Variants in CCDC91 observed in about 807,000 individuals in gnomAD.
The protein encoded by CCDC91 is coiled-coil domain-containing protein 91.
A neutral mutation model predicts 63.2 loss-of-function variants in CCDC91; 48 were observed. That is an observed-to-expected ratio of 0.76 (90% CI 0.60 to 0.97). The LOEUF (loss-of-function observed/expected upper bound fraction) is 0.97, where lower values mean the gene tolerates loss of function less well. Among genes scored for constraint, CCDC91 ranks in the 50% least tolerant of loss-of-function variants. The probability of loss-of-function intolerance (pLI) is 0.00; values close to 1 mark genes in which losing one functional copy is unlikely to be tolerated. For missense variants in CCDC91, 500 were observed against 494.6 expected (o/e 1.01, Z -0.10); for synonymous variants, 167 against 165.8 (o/e 1.01, Z -0.06).
intron 8 of CCDC91, among the ~76,000 whole-genome samples, chr12:28,427,254 G>T (rs552645892): frequency 2.0e-5 from 3 of 152,064 alleles, no homozygotes; most frequent in South Asian, 2.1e-4. Context: ...GCTAGAGCGC[G>T]CTGGAATCTT....
intron 1 of CCDC91, among the ~76,000 whole-genome samples, chr12:28,256,544 T>C (rs1946465258): frequency 6.6e-6 from 1 of 152,108 alleles, no homozygotes. Flanking sequence ...CTTACATACT[T>C]TAAGAGTAAA....
At chr12:28,277,986 C>T (rs1156264369) in intron 3 of CCDC91, among the ~76,000 whole-genome samples, 7 of 151,950 alleles carry the variant, frequency 4.6e-5, no homozygotes, top group Non-Finnish European at 1.0e-4. Flanking sequence ...CAATTTGTTC[C>T]TACTTCTGGT....
chr12:28,476,222 A>C (rs1268642270), intron 11 of CCDC91, among the ~76,000 whole-genome samples: 1 of 152,146 alleles, frequency 6.6e-6, no homozygotes, highest in Admixed American at 6.6e-5. Flanking sequence ...CATAGTTGGA[A>C]GTAAAGCACT....
intron 3 of CCDC91, among the ~76,000 whole-genome samples, chr12:28,275,283 G>A (rs1948122205): frequency 6.6e-6 from 1 of 152,056 alleles, no homozygotes. Context: ...AATGATAAAG[G>A]GGATATCACC....
intron 7 of CCDC91, among the ~76,000 whole-genome samples, chr12:28,367,218 G>C (rs1944331520): frequency 6.6e-6 from 1 of 152,126 alleles, no homozygotes; most frequent in Admixed American, 6.6e-5. Context: ...TTACAAAAAT[G>C]TTTTAACAAG....
chr12:28,206,615 A>C (rs1336210879), intron 1 of CCDC91, among the ~76,000 whole-genome samples: 1 of 152,110 alleles, frequency 6.6e-6, no homozygotes. Flanking sequence ...TCACTTAACT[A>C]AGTAGTTTTT....
At chr12:28,471,046 C>T (rs1471894449) in intron 11 of CCDC91, among the ~76,000 whole-genome samples, 1 of 152,102 alleles carries the variant, frequency 6.6e-6, no homozygotes, top group Non-Finnish European at 1.5e-5. Context: ...AAATACAGTG[C>T]AGGAAATCCT....
chr12:28,245,471 A>C (rs897297879), intron 1 of CCDC91, among the ~76,000 whole-genome samples: 5 of 152,192 alleles, frequency 3.3e-5, no homozygotes, highest in African/African-American at 9.6e-5. Flanking sequence ...AATAAGACTA[A>C]GCAACTGATA....
intron 6 of CCDC91, among the ~76,000 whole-genome samples, chr12:28,315,579 A>T (rs1939775158): frequency 6.6e-6 from 1 of 152,038 alleles, no homozygotes. Flanking sequence ...CACTTATTTG[A>T]CTTCCTTAAA....
At chr12:28,249,557 G>A (rs1348004712) in intron 1 of CCDC91, among the ~76,000 whole-genome samples, 1 of 152,128 alleles carries the variant, frequency 6.6e-6, no homozygotes, top group Non-Finnish European at 1.5e-5. Context: ...TCCCTGATGA[G>A]CTTCTTTATG....
chr12:28,446,876 G>T (rs576659135), intron 8 of CCDC91, among the ~76,000 whole-genome samples: 63 of 152,330 alleles, frequency 4.1e-4, no homozygotes, highest in African/African-American at 1.5e-3. Flanking sequence ...TGATTGGTCA[G>T]TAGCAGATAC....
chr12:28,472,965 T>C (rs1230997028), intron 11 of CCDC91, among the ~76,000 whole-genome samples: 1 of 152,200 alleles, frequency 6.6e-6, no homozygotes, highest in Non-Finnish European at 1.5e-5. Context: ...TAAGCTGTTG[T>C]TGCACAGGAA....
chr12:28,416,064 G>A (rs1947640148), intron 8 of CCDC91, among the ~76,000 whole-genome samples: 1 of 151,822 alleles, frequency 6.6e-6, no homozygotes, highest in Admixed American at 6.6e-5. Flanking sequence ...TTTAGATGAG[G>A]AGTCAGCACC....
intron 3 of CCDC91, among the ~76,000 whole-genome samples, chr12:28,299,017 A>G (rs900066276): frequency 1.3e-5 from 2 of 151,700 alleles, no homozygotes; most frequent in Admixed American, 6.6e-5. Flanking sequence ...TGTTATGAAC[A>G]GTAACTGGTG....
intron 6 of CCDC91, among the ~76,000 whole-genome samples, chr12:28,329,281 C>T (rs566290217): frequency 1.1e-4 from 16 of 151,974 alleles, no homozygotes; most frequent in East Asian, 1.9e-4. Context: ...GTTGACTTTC[C>T]GTCGTTTTAT....
intron 6 of CCDC91, among the ~76,000 whole-genome samples, chr12:28,335,788 T>C (rs1473029885): frequency 6.6e-6 from 1 of 152,098 alleles, no homozygotes; most frequent in East Asian, 1.9e-4. Flanking sequence ...AACATTCTTA[T>C]CTCCCCTTTT....
At chr12:28,452,722 CTCTA>C (rs1371032537) in intron 11 of CCDC91, 68 bp downstream of exon 11, 90 of 754,460 alleles carry the variant, frequency 1.2e-4, no homozygotes, top group Non-Finnish European at 4.2e-5. Context: ...AGTACCCTTA[CTCTA>C]TCTTTTATCT....
intron 3 of CCDC91, among the ~76,000 whole-genome samples, chr12:28,297,408 C>T (rs554395030): frequency 6.6e-6 from 1 of 151,824 alleles, no homozygotes; most frequent in Admixed American, 6.6e-5. Context: ...AATGATATGT[C>T]CAAGTGACTT....
At chr12:28,393,747 C>T (rs555902262) in intron 8 of CCDC91, among the ~76,000 whole-genome samples, 1 of 152,250 alleles carries the variant, frequency 6.6e-6, no homozygotes, top group African/African-American at 2.4e-5. Context: ...GATTTCTGTA[C>T]TTTTCTATTT....
Sources: allele counts gnomAD v4.1 joint callset (sites outside exome capture counted in the v4.1 genomes callset), GRCh38; gene constraint gnomAD v4.1.1; transcripts MANE v1.5; gene names NCBI Gene and HGNC (gene_info 2026-07-23, HGNC 2026-07-21).